Variants in SOX30 observed in about 807,000 individuals in gnomAD.
SOX30 encodes transcription factor SOX-30.
SOX30 carries 17 observed loss-of-function variants against 58.6 expected under a neutral mutation model. The ratio of observed to expected loss-of-function variants is 0.29; its 90% CI spans 0.20 to 0.44. The LOEUF (loss-of-function observed/expected upper bound fraction) is 0.44, where lower values mean the gene tolerates loss of function less well. Among genes scored for constraint, SOX30 ranks in the 20% least tolerant of loss-of-function variants. The pLI, the probability that SOX30 is intolerant of heterozygous loss-of-function variation, is 1.00. For synonymous variants in SOX30, 421 were observed against 400.2 expected (o/e 1.05, Z -0.62); for missense variants, 951 against 965.8 (o/e 0.98, Z 0.20).
intron 2 of SOX30, among the ~76,000 whole-genome samples, chr5:157,660,438 A>G (rs1444414798): frequency 6.7e-6 from 1 of 149,422 alleles, no homozygotes; most frequent in Non-Finnish European, 1.5e-5. Flanking sequence ...ATAAAATAAA[A>G]TAAAATAAAA....
At chr5:157,660,111 G>C (rs11739081) in intron 2 of SOX30, among the ~76,000 whole-genome samples, 25,943 of 152,208 alleles carry the variant, frequency 0.17, 2,526 homozygotes, top group African/African-American at 0.27. Flanking sequence ...GCCTGAGCTA[G>C]TGTTTTAGGT....
chr5:157,663,232 C>T (rs559741479), intron 2 of SOX30, among the ~76,000 whole-genome samples: 1 of 152,290 alleles, frequency 6.6e-6, no homozygotes, highest in South Asian at 2.1e-4. Flanking sequence ...AATCCAGCAG[C>T]ACGTCAAAAA....
chr5:157,671,470 G>T lies in SOX30; in HGVS notation c.-144C>A, dbSNP rs1328831461. On this transcript the variant is annotated 5_prime_UTR_variant, in exon 1 of 6. Transcript: ENST00000519442. ...TCCAACAGCCCCCGTCCCCTTCCCC[G>T]CAGCCAATATGTGTCTCCCAGGCAA... 9.2e-6 allele frequency: 6 copies of T among 648,698 alleles called. No homozygotes were observed. In the East Asian group the frequency reaches 1.5e-4, roughly 16 times the overall value. The allele number at this position is 648,698 out of a possible 1,614,324, so 40.2% of individuals were successfully genotyped here.
chr5:157,632,762 G>T (rs147900616), intron 4 of SOX30, among the ~76,000 whole-genome samples: 1 of 152,102 alleles, frequency 6.6e-6, no homozygotes, highest in Admixed American at 6.6e-5. Context: ...CTGGATCAAC[G>T]ACAAAAATTT....
At chr5:157,664,273 C>A (rs1387448296) in intron 2 of SOX30, among the ~76,000 whole-genome samples, 1 of 152,062 alleles carries the variant, frequency 6.6e-6, no homozygotes, top group Non-Finnish European at 1.5e-5. Context: ...AGAACAGAGC[C>A]CTCAGAAATA....
At chr5:157,630,898 A>C (rs1187115366) in intron 4 of SOX30, among the ~76,000 whole-genome samples, 1 of 136,944 alleles carries the variant, frequency 7.3e-6, no homozygotes, top group Non-Finnish European at 1.5e-5. Context: ...AATTTTATAT[A>C]TATAAAAAAT....
chr5:157,652,215 C>G lies in SOX30; in HGVS notation c.-137G>C, dbSNP rs61577866. On this transcript the variant is annotated 5_prime_UTR_variant, in exon 1 of 5. Coordinates refer to ENST00000265007, the MANE Select transcript of SOX30 (RefSeq NM_178424.2). ...CGCGGTTCAAAACGCAGCTGTCTGT[C>G]TGGGCCTCACCCAATCACAACGACC... 2 of 1,302,878 alleles carry G rather than the reference C, an allele frequency of 1.5e-6. No homozygotes were observed. The highest frequency in any genetic ancestry group is 2.6e-5 in the South Asian group (1 of 37,894). The allele number at this position is 1,302,878 out of a possible 1,614,324, so 80.7% of individuals were successfully genotyped here.
At chr5:157,628,890 C>T (rs1039451426) in intron 4 of SOX30, among the ~76,000 whole-genome samples, 2 of 152,166 alleles carry the variant, frequency 1.3e-5, no homozygotes, top group African/African-American at 4.8e-5. Context: ...ATCCGCCCGC[C>T]TCAGCCTCCC....
In SOX30 at chr5:157,652,365, T is replaced by C. The variant is rs1759379689; in HGVS notation, c.-287A>G. ...CCGCCGCACTTGTTGCACATTTTCG[T>C]TCTGACTCTCTTGTGGAGTTCTCTT... On this transcript the variant is annotated 5_prime_UTR_variant, in exon 1 of 5. Coordinates refer to ENST00000265007, the MANE Select transcript of SOX30 (RefSeq NM_178424.2). 8.6e-7 allele frequency: 1 copy of C among 1,158,716 alleles called. No individual in the cohort carries two copies. The highest frequency in any genetic ancestry group is 4.1e-5 in the East Asian group (1 of 24,446). The allele number at this position is 1,158,716 out of a possible 1,614,324, so 71.8% of individuals were successfully genotyped here.
At chr5:157,648,041 T>C (rs1048415863) in intron 2 of SOX30, among the ~76,000 whole-genome samples, 3 of 152,206 alleles carry the variant, frequency 2.0e-5, no homozygotes, top group African/African-American at 4.8e-5. Flanking sequence ...CCTTCATTAC[T>C]AGAACCTCTC....
At chr5:157,650,664 A>G (rs1006391254) in intron 1 of SOX30, among the ~76,000 whole-genome samples, 2 of 152,220 alleles carry the variant, frequency 1.3e-5, no homozygotes, top group East Asian at 1.9e-4. Flanking sequence ...TTTTAAAGAT[A>G]GCCTCTATAA....
At chr5:157,655,703 TG>T (rs1258820521), upstream of SOX30, among the ~76,000 whole-genome samples, 3 of 152,194 alleles carry the variant, frequency 2.0e-5, no homozygotes, top group African/African-American at 7.2e-5. Flanking sequence ...GTGGCTTCCC[TG>T]AACGCCTGGC....
intron 4 of SOX30, among the ~76,000 whole-genome samples, chr5:157,631,488 C>T (rs953213861): frequency 2.5e-4 from 38 of 152,154 alleles, no homozygotes; most frequent in Non-Finnish European, 1.3e-4. Context: ...GAGCTGGGCG[C>T]GGTGGCTCAC....
At chr5:157,648,427 AT>A (rs1171872207) in intron 2 of SOX30, among the ~76,000 whole-genome samples, 1 of 152,186 alleles carries the variant, frequency 6.6e-6, no homozygotes, top group African/African-American at 2.4e-5. Context: ...GTGTCCTCTG[AT>A]TTGTATGAGT....
intron 4 of SOX30, among the ~76,000 whole-genome samples, chr5:157,635,590 C>T (rs1253216087): frequency 1.3e-5 from 2 of 151,964 alleles, no homozygotes; most frequent in South Asian, 2.1e-4. Context: ...CGCCACTGCA[C>T]TCCAGCCTGG....
intron 3 of SOX30, among the ~76,000 whole-genome samples, chr5:157,643,377 G>A (rs545243727): frequency 4.6e-5 from 7 of 152,040 alleles, no homozygotes; most frequent in Admixed American, 2.6e-4. Context: ...CTGAGGTCGC[G>A]CCACTGCACT....
chr5:157,631,569 T>C (rs1420571937), intron 4 of SOX30, among the ~76,000 whole-genome samples: 1 of 152,048 alleles, frequency 6.6e-6, no homozygotes, highest in African/African-American at 2.4e-5. Flanking sequence ...GAGACCACCC[T>C]GGTCAACATG....
At chr5:157,634,120 T>C (rs550335002) in intron 4 of SOX30, among the ~76,000 whole-genome samples, 38 of 152,216 alleles carry the variant, frequency 2.5e-4, no homozygotes, top group Non-Finnish European at 4.4e-4. Flanking sequence ...TGAGTGTCCA[T>C]CTGTTTTGTA....
At chr5:157,664,119 A>G (rs927373349) in intron 2 of SOX30, among the ~76,000 whole-genome samples, 7 of 150,540 alleles carry the variant, frequency 4.6e-5, no homozygotes, top group Non-Finnish European at 1.0e-4. Flanking sequence ...GAACCAAAAA[A>G]GAGCCCGCAT....
Sources: allele counts gnomAD v4.1 joint callset (sites outside exome capture counted in the v4.1 genomes callset), GRCh38; gene constraint gnomAD v4.1.1; transcripts MANE v1.5; gene names NCBI Gene and HGNC (gene_info 2026-07-23, HGNC 2026-07-21).